VIPAS39: variants seen among roughly 807,000 people sequenced by gnomAD.
The protein encoded by VIPAS39 is VPS33B interacting protein, apical-basolateral polarity regulator, spe-39 homolog.
A neutral mutation model predicts 84.7 loss-of-function variants in VIPAS39; 63 were observed. That is an observed-to-expected ratio of 0.74 (90% CI 0.61 to 0.92). VIPAS39 has a LOEUF of 0.92. VIPAS39 is among the 40% of genes least tolerant of loss of function. The pLI is 0.00. For synonymous variants in VIPAS39, 192 were observed against 216.5 expected, an observed-to-expected ratio of 0.89 and a Z score of 0.99; for missense variants, 499 against 604.5, an observed-to-expected ratio of 0.83 and a Z score of 1.83.
chr14:77,429,805 G>C, intron 16 of VIPAS39, 38 bp from the exon 17 acceptor site: 1 of 1,558,558 alleles, frequency 6.4e-7, no homozygotes, highest in East Asian at 2.2e-5. Flanking sequence ...GGTAGGCCAG[G>C]CACACTCAAC....
intron 11 of VIPAS39, among the ~76,000 whole-genome samples, chr14:77,440,003 T>C (rs1004291843): frequency 2.0e-5 from 3 of 152,056 alleles, no homozygotes; most frequent in Non-Finnish European, 4.4e-5. Flanking sequence ...CTACCTCAGC[T>C]TCCCAGGTAG....
rs1255713488 is a variant in VIPAS39 at position 77,449,635 on chromosome 14, T to C, written c.382+79A>G. On this transcript the variant is annotated intron_variant, in intron 5 of 19. Transcript: ENST00000557658. ...AAAGTTCATCTTGTCATCTAATTAC[T>C]ACCTGTCCCCATAACTCCCCAGACT... 3.2e-6 allele frequency: 5 copies of C among 1,562,094 alleles called. No homozygotes were observed. In the East Asian group the frequency reaches 9.0e-5, roughly 28 times the overall value.
chr14:77,435,274 G>A lies in VIPAS39; in HGVS notation c.1032C>T (p.His344=). ...VTTLFYSCFY[H]YTEAEGTFSS... is the part of the protein sequence containing the mutation. The stretch of plus-strand genomic sequence containing the variant: ...TTGCCTGTACCTCAGCCTCTGTGTA[G>A]TGATAGAAGCAGGAGTAGAAAAGTG... Residue 344 remains histidine, a synonymous_variant, in exon 14 of 20, where the codon CAC becomes CAT. Coordinates refer to ENST00000557658, the MANE Select transcript of VIPAS39 (RefSeq NM_001193315.2). 1 of 1,614,170 alleles carries A rather than the reference G, an allele frequency of 6.2e-7. No individual in the cohort carries two copies. Among genetic ancestry groups the A allele is most frequent in the Non-Finnish European group, 8.5e-7 (1 of 1,180,030 alleles).
chr14:77,447,456 G>A (rs1252353929), intron 7 of VIPAS39, among the ~76,000 whole-genome samples: 4 of 152,060 alleles, frequency 2.6e-5, no homozygotes, highest in Non-Finnish European at 5.9e-5. Context: ...GGGATTACAG[G>A]CATGAGCCAC....
chr14:77,428,911 G>A, intron 18 of VIPAS39, 95 bp downstream of exon 18: 4 of 1,142,090 alleles, frequency 3.5e-6, no homozygotes, highest in South Asian at 2.5e-5. Context: ...AACCTGGTGG[G>A]AGCACCTCAG....
rs1191543323 is a variant in VIPAS39, at chr14:77,427,496, C to T, written c.*120G>A. On this transcript the variant is annotated 3_prime_UTR_variant, in exon 20 of 20. Coordinates refer to ENST00000557658, the MANE Select transcript of VIPAS39 (RefSeq NM_001193315.2). The stretch of plus-strand genomic sequence containing the variant: ...TTATCTGTGTCAAGAGTAGCTGGCA[C>T]TGCCCATGGGTAATGGGCCCAAGCG... 1 of 1,232,062 alleles carries T rather than the reference C, an allele frequency of 8.1e-7. No individual in the cohort carries two copies. The highest frequency in any genetic ancestry group is 1.2e-6 in the Non-Finnish European group (1 of 838,156). The allele number at this position is 1,232,062 out of a possible 1,614,324, so 76.3% of individuals were successfully genotyped here. A position where few individuals can be genotyped will look rare whatever the true frequency, so the allele number is the denominator to read the frequency against.
At position 77,429,736 on chromosome 14, in the gene VIPAS39, G is replaced by T. The variant is rs1354900896; in HGVS notation, c.1211C>A (p.Pro404His). 6.2e-7 allele frequency: 1 copy of T among 1,614,078 alleles called. No homozygotes were observed. Among genetic ancestry groups the T allele is most frequent in the Non-Finnish European group, 8.5e-7 (1 of 1,180,046 alleles). Residue 404 changes from proline (P) to histidine (H), a missense_variant, in exon 17 of 20, where the codon CCC becomes CAC. Pro to His is a moderately conservative substitution (Grantham distance 77). Transcript: ENST00000557658. ...TTCGACAACCCGATGGAAGCCAATG[G>T]GTGCTCTCTTCTTGGTATAGCCCAG... The part of the protein sequence containing the change: ...NWLGYTKKRA[P>H]IGFHRVVEIL...
Position 77,435,278 on chromosome 14 carries a change from T to C in VIPAS39, c.1028A>G (p.Tyr343Cys). The change falls in exon 14 of 20, where the codon TAT (tyrosine) becomes TGT (cysteine). Residue 343 changes from tyrosine to cysteine, a missense_variant. Tyr to Cys is a radical substitution (Grantham distance 194, BLOSUM62 -2). Coordinates refer to ENST00000557658, the MANE Select transcript of VIPAS39 (RefSeq NM_001193315.2). ...CTGTACCTCAGCCTCTGTGTAGTGATAGAAGCAGGAGTAGAAAAGTGTTGT... is the reference window on the plus strand; with the variant it reads ...CTGTACCTCAGCCTCTGTGTAGTGACAGAAGCAGGAGTAGAAAAGTGTTGT... ...LVTTLFYSCF[Y>C]HYTEAEGTFS... The C allele has an allele frequency of 3.7e-6, 6 of 1,614,146 alleles. No individual in the cohort carries two copies. Among genetic ancestry groups the C allele is most frequent in the Non-Finnish European group, 5.1e-6 (6 of 1,180,022 alleles).
chr14:77,444,742 T>A (rs1267892693), intron 7 of VIPAS39, among the ~76,000 whole-genome samples: 1 of 151,800 alleles, frequency 6.6e-6, no homozygotes, highest in East Asian at 1.9e-4. Context: ...CCGGCTAATT[T>A]TTTTTTAGTA....
chr14:77,451,670 C>T (rs1357042082), intron 3 of VIPAS39, among the ~76,000 whole-genome samples: 2 of 152,036 alleles, frequency 1.3e-5, no homozygotes, highest in African/African-American at 4.8e-5. Context: ...ATCTAACAGT[C>T]ATGTCTCACG....
intron 16 of VIPAS39, among the ~76,000 whole-genome samples, chr14:77,430,574 G>A (rs370307615): frequency 1.1e-4 from 16 of 151,940 alleles, no homozygotes; most frequent in Middle Eastern, 3.4e-3. Context: ...AAAATTAGCC[G>A]GGCAGGGTGG....
Position 77,449,376 on chromosome 14 carries a change from C to G in VIPAS39, c.383-19G>C. Reference sequence around the variant, plus strand: ...GACAGAGCTGAAAAAGAATAAGCAGCTGGTTCAGAAGGGCACCATGAATCC... The same window carrying G: ...GACAGAGCTGAAAAAGAATAAGCAGGTGGTTCAGAAGGGCACCATGAATCC... On this transcript the variant is annotated intron_variant, in intron 5 of 19. Transcript: ENST00000557658. 1 of 1,614,072 alleles carries G rather than the reference C, an allele frequency of 6.2e-7. No homozygotes were observed. The highest frequency in any genetic ancestry group is 1.1e-5 in the South Asian group (1 of 91,070).
chr14:77,435,343 C>T lies in VIPAS39; in HGVS notation c.963G>A (p.Lys321=), dbSNP rs1267197733. The change falls in exon 14 of 20, where the codon AAG becomes AAA. Residue 321 remains lysine (K), a synonymous_variant. Coordinates refer to ENST00000557658, the MANE Select transcript of VIPAS39 (RefSeq NM_001193315.2). ...ESAGQTEIFR[K]HPRKASILNM... ...TGAGGATGGAGGCTTTGCGGGGGTG[C>T]TTTCGGAAGATCTCAGTCTGTCCTG... 2 of 1,607,994 alleles carry T rather than the reference C, an allele frequency of 1.2e-6. No homozygotes were observed. Among genetic ancestry groups the T allele is most frequent in the Non-Finnish European group, 1.7e-6 (2 of 1,178,586 alleles).
chr14:77,444,053 A>C (rs1270731556), intron 8 of VIPAS39, among the ~76,000 whole-genome samples, 196 bp downstream of exon 8: 1 of 151,854 alleles, frequency 6.6e-6, no homozygotes, highest in African/African-American at 2.4e-5. Flanking sequence ...AAAAAAAAAA[A>C]AAACAGGGTT....
chr14:77,431,097 A>C (rs755336067), intron 16 of VIPAS39, among the ~76,000 whole-genome samples: 5 of 152,202 alleles, frequency 3.3e-5, no homozygotes, highest in Admixed American at 6.5e-5. Flanking sequence ...AGAAGAAAAC[A>C]TGGGAAAAAG....
intron 3 of VIPAS39, 138 bp downstream of exon 3, chr14:77,453,161 T>G: frequency 1.1e-6 from 1 of 938,242 alleles, no homozygotes; most frequent in Non-Finnish European, 1.7e-6. Flanking sequence ...GGAGTTAAGT[T>G]TCCAGATGTA....
Position 77,426,881 on chromosome 14 carries a change from A to C in VIPAS39, c.*735T>G, listed in dbSNP as rs948503991. 4.6e-5 allele frequency: 7 copies of C among 152,234 alleles called. No homozygotes were observed. Among genetic ancestry groups the C allele is most frequent in the African/African-American group, 1.7e-4 (7 of 41,456 alleles). 9.4% of individuals were successfully genotyped at this position (152,234 alleles called of 1,614,324 possible). On this transcript the variant is annotated 3_prime_UTR_variant, in exon 20 of 20. Transcript: ENST00000557658. ...GCTCCTGGTGAAATGAGATTTTTGC[A>C]TAAAGAGAGAGCTCTCCAGCACTGC...
At chr14:77,429,908 A>T (rs1283893805) in intron 16 of VIPAS39, 141 bp from the exon 17 acceptor site, 1 of 786,790 alleles carries the variant, frequency 1.3e-6, no homozygotes, top group Non-Finnish European at 2.3e-6. Flanking sequence ...TGAGAAATGA[A>T]TTTTTCAGAA....
chr14:77,442,790 C>A, intron 9 of VIPAS39, 128 bp from the exon 10 acceptor site: 1 of 902,008 alleles, frequency 1.1e-6, no homozygotes, highest in Non-Finnish European at 1.8e-6. Flanking sequence ...GAATGGTTTA[C>A]CCCTATGTCT....
Sources: gnomAD v4.1 joint callset for allele counts (sites outside exome capture counted in the v4.1 genomes callset) on GRCh38, gnomAD v4.1.1 for gene constraint, MANE v1.5 for transcripts, NCBI Gene and HGNC (gene_info 2026-07-23, HGNC 2026-07-21) for gene names.